Variants in RBFOX1 observed in about 807,000 individuals in gnomAD.
RBFOX1 encodes the protein RNA binding protein fox-1 homolog 1.
Under a neutral mutation model 57.7 loss-of-function variants are expected in RBFOX1, and 8 were observed. The observed-to-expected ratio is 0.14, with a 90% CI of 0.08 to 0.25. The LOEUF (loss-of-function observed/expected upper bound fraction) is 0.25. RBFOX1 is among the 10% of genes least tolerant of loss of function. The pLI, the probability that RBFOX1 is intolerant of heterozygous loss-of-function variation, is 1.00. For synonymous variants in RBFOX1, 326 were observed against 222.4 expected (o/e 1.47, Z -4.15); for missense variants, 611 against 548.5 (o/e 1.11, Z -1.14).
At chr16:6,674,751 C>A (rs923125324) in intron 3 of RBFOX1, among the ~76,000 whole-genome samples, 2 of 152,100 alleles carry the variant, frequency 1.3e-5, no homozygotes, top group Non-Finnish European at 2.9e-5. Context: ...GGGGTGCTGG[C>A]CACCAGCAGA....
At chr16:5,331,573 A>C (rs1460111907) in intron 1 of RBFOX1, among the ~76,000 whole-genome samples, 1 of 152,262 alleles carries the variant, frequency 6.6e-6, no homozygotes, top group Non-Finnish European at 1.5e-5. Flanking sequence ...GAGCCTTTGC[A>C]GACATCATAC....
At chr16:7,426,640 T>C (rs1226843559) in intron 4 of RBFOX1, among the ~76,000 whole-genome samples, 2 of 152,164 alleles carry the variant, frequency 1.3e-5, no homozygotes, top group African/African-American at 2.4e-5. Flanking sequence ...GTGGCTGTCT[T>C]GGTCTTGGAG....
At chr16:5,811,891 A>G (rs1334415342) in intron 3 of RBFOX1, among the ~76,000 whole-genome samples, 2 of 152,194 alleles carry the variant, frequency 1.3e-5, no homozygotes, top group East Asian at 3.8e-4. Context: ...TTAGAACTCC[A>G]TCACCTCAGA....
intron 4 of RBFOX1, among the ~76,000 whole-genome samples, chr16:7,485,623 G>C: frequency 6.6e-6 from 1 of 152,188 alleles, no homozygotes; most frequent in East Asian, 1.9e-4. Flanking sequence ...AGATTATAAA[G>C]AGAGGTTTTA....
At chr16:5,754,071 C>T (rs187406407) in intron 3 of RBFOX1, among the ~76,000 whole-genome samples, 12 of 152,260 alleles carry the variant, frequency 7.9e-5, no homozygotes, top group African/African-American at 2.9e-4. Flanking sequence ...TGCAAAACTA[C>T]CTGCATGACA....
chr16:7,277,948 C>G (rs1320280072), intron 4 of RBFOX1, among the ~76,000 whole-genome samples: 1 of 134,468 alleles, frequency 7.4e-6, no homozygotes, highest in Admixed American at 7.3e-5. Flanking sequence ...AAATGATTAG[C>G]AAAAAAAAAA....
chr16:6,888,989 C>T (rs1456516423), intron 3 of RBFOX1, among the ~76,000 whole-genome samples: 3 of 152,164 alleles, frequency 2.0e-5, no homozygotes, highest in Non-Finnish European at 4.4e-5. Context: ...GTTTCTTAAG[C>T]CTGTCCTTCC....
At chr16:6,529,348 C>A (rs1034884854) in intron 2 of RBFOX1, among the ~76,000 whole-genome samples, 15 of 152,072 alleles carry the variant, frequency 9.9e-5, no homozygotes, top group African/African-American at 3.4e-4. Context: ...AGATCAAGTT[C>A]AGAAGGTGGA....
intron 2 of RBFOX1, among the ~76,000 whole-genome samples, chr16:6,610,976 A>G (rs1350436028): frequency 2.0e-5 from 3 of 152,176 alleles, no homozygotes; most frequent in Non-Finnish European, 4.4e-5. Flanking sequence ...ACTTAGCAGC[A>G]ACTTTTTCCT....
Position 5,389,438 on chromosome 16 carries a change from A to G in RBFOX1, c.220-77778A>G, listed in dbSNP as rs567621093. 2.8e-4 allele frequency among the ~76,000 whole-genome samples: 42 copies of G among 152,178 alleles called. No homozygotes were observed. The South Asian group carries it at 6.7e-3, about 24-fold the overall frequency. Reference sequence around the variant, plus strand: ...TGGCCTCCAACCACTTGATGCAAATAGCGCTTCCCACCCCTGCAGTTGTGA... The same window carrying G: ...TGGCCTCCAACCACTTGATGCAAATGGCGCTTCCCACCCCTGCAGTTGTGA... On this transcript the variant is annotated intron_variant, in intron 1 of 2. Coordinates refer to the RBFOX1 transcript ENST00000585867.
At chr16:6,397,691 A>G (rs964897483) in intron 2 of RBFOX1, among the ~76,000 whole-genome samples, 2 of 152,218 alleles carry the variant, frequency 1.3e-5, no homozygotes, top group Admixed American at 6.5e-5. Flanking sequence ...GAAAGATGAC[A>G]TCACTGTTTT....
chr16:5,424,713 G>C (rs1218632064), intron 1 of RBFOX1, among the ~76,000 whole-genome samples: 1 of 151,918 alleles, frequency 6.6e-6, no homozygotes, highest in East Asian at 1.9e-4. Context: ...GCACGTGTGG[G>C]TTTGTTACAT....
intron 14 of RBFOX1, among the ~76,000 whole-genome samples, chr16:7,702,099 A>AC (rs1376803299): frequency 2.0e-5 from 3 of 152,098 alleles, no homozygotes; most frequent in African/African-American, 7.2e-5. Flanking sequence ...GGCCATAATT[A>AC]CCCCAACATT....
At chr16:7,635,393 G>C (rs1213769631) in intron 11 of RBFOX1, among the ~76,000 whole-genome samples, 1 of 152,142 alleles carries the variant, frequency 6.6e-6, no homozygotes, top group Non-Finnish European at 1.5e-5. Flanking sequence ...ATAGTAACAG[G>C]TGCTCATTGC....
intron 3 of RBFOX1, among the ~76,000 whole-genome samples, chr16:5,641,815 A>G (rs1036593766): frequency 1.3e-5 from 2 of 152,150 alleles, no homozygotes; most frequent in African/African-American, 4.8e-5. Flanking sequence ...TTCCTATGGC[A>G]TTTTCTGTAG....
At chr16:6,774,802 C>G (rs1377501111) in intron 3 of RBFOX1, among the ~76,000 whole-genome samples, 1 of 151,912 alleles carries the variant, frequency 6.6e-6, no homozygotes, top group Non-Finnish European at 1.5e-5. Flanking sequence ...CCTGAGCTTT[C>G]CAATATAGTA....
chr16:6,404,318 G>T (rs9922124), intron 2 of RBFOX1, among the ~76,000 whole-genome samples: 99,767 of 151,996 alleles, frequency 0.66, 33,524 homozygotes, highest in African/African-American at 0.81. Flanking sequence ...CATGCCATTT[G>T]CTGTCAGGGA....
At chr16:6,250,585 A>G (rs1040185389) in intron 1 of RBFOX1, among the ~76,000 whole-genome samples, 1 of 152,140 alleles carries the variant, frequency 6.6e-6, no homozygotes. Flanking sequence ...ATGCAGGAGA[A>G]GCCTTTGAAA....
intron 4 of RBFOX1, among the ~76,000 whole-genome samples, chr16:7,412,982 C>A (rs1473122443): frequency 6.6e-6 from 1 of 152,072 alleles, no homozygotes; most frequent in Non-Finnish European, 1.5e-5. Context: ...GCGGAGCTTG[C>A]AGTGAGCCAA....
Sources: allele counts gnomAD v4.1 joint callset (sites outside exome capture counted in the v4.1 genomes callset), GRCh38; gene constraint gnomAD v4.1.1; transcripts MANE v1.5; gene names NCBI Gene and HGNC (gene_info 2026-07-23, HGNC 2026-07-21).